Variants in CHCHD6 observed in about 807,000 individuals in gnomAD.
CHCHD6 encodes coiled-coil-helix-coiled-coil-helix domain containing 6, also known as MICOS complex subunit MIC25.
In CHCHD6, 28 loss-of-function variants were observed where a neutral mutation model predicts 32.3. The observed-to-expected ratio is 0.87, with a 90% CI of 0.64 to 1.19. The LOEUF (loss-of-function observed/expected upper bound fraction) is 1.19. Among genes scored for constraint, CHCHD6 ranks in the 50% most tolerant of loss-of-function variants. The pLI, the probability that CHCHD6 is intolerant of heterozygous loss-of-function variation, is 0.00. For synonymous variants in CHCHD6, 122 were observed against 117.5 expected (o/e 1.04, Z -0.25); for missense variants, 333 against 307.0 (o/e 1.08, Z -0.63).
intron 5 of CHCHD6, among the ~76,000 whole-genome samples, chr3:126,858,839 G>T (rs1001276659): frequency 1.3e-5 from 2 of 152,196 alleles, no homozygotes; most frequent in African/African-American, 4.8e-5. Context: ...CCTGTGTCAG[G>T]TGCTGTGAGA....
intron 1 of CHCHD6, among the ~76,000 whole-genome samples, chr3:126,725,073 T>C (rs1935472695): frequency 6.6e-6 from 1 of 152,242 alleles, no homozygotes; most frequent in Non-Finnish European, 1.5e-5. Context: ...CCATGAATCA[T>C]GAATGTTCTT....
intron 4 of CHCHD6, among the ~76,000 whole-genome samples, chr3:126,805,563 A>G (rs2107693093): frequency 6.6e-6 from 1 of 152,328 alleles, no homozygotes; most frequent in African/African-American, 2.4e-5. Context: ...GATACAAACA[A>G]ATGGAAGAAC....
intron 2 of CHCHD6, among the ~76,000 whole-genome samples, chr3:126,729,708 C>G (rs531078929): frequency 2.0e-5 from 3 of 152,086 alleles, no homozygotes; most frequent in Middle Eastern, 3.2e-3. Flanking sequence ...AAGTGCCCCC[C>G]GAAGGATCCC....
intron 4 of CHCHD6, 96 bp downstream of exon 4, chr3:126,733,318 C>A (rs1173006050): frequency 8.5e-6 from 10 of 1,170,932 alleles, no homozygotes; most frequent in Non-Finnish European, 1.2e-5. Flanking sequence ...TGAAGCCCTG[C>A]TGGCTCAGGC....
chr3:126,906,935 G>C (rs1021884184), intron 5 of CHCHD6, among the ~76,000 whole-genome samples: 1 of 152,248 alleles, frequency 6.6e-6, no homozygotes, highest in African/African-American at 2.4e-5. Flanking sequence ...AAAGAACCCA[G>C]ATGACTGGTG....
chr3:126,730,493 G>T, intron 2 of CHCHD6, 68 bp from the exon 3 acceptor site: 1 of 1,314,752 alleles, frequency 7.6e-7, no homozygotes, highest in Non-Finnish European at 1.1e-6. Flanking sequence ...TTCCTCTCTG[G>T]GTGACCTCTG....
chr3:126,806,663 A>G (rs1939397245), intron 4 of CHCHD6, among the ~76,000 whole-genome samples: 1 of 152,192 alleles, frequency 6.6e-6, no homozygotes, highest in South Asian at 2.1e-4. Flanking sequence ...ATCTAGAACT[A>G]GAAATACTAT....
At chr3:126,875,163 T>C (rs1400384409) in intron 5 of CHCHD6, among the ~76,000 whole-genome samples, 3 of 152,240 alleles carry the variant, frequency 2.0e-5, no homozygotes, top group Non-Finnish European at 2.9e-5. Flanking sequence ...TGCCTTAATC[T>C]GAACCCTGCA....
intron 2 of CHCHD6, among the ~76,000 whole-genome samples, chr3:126,728,615 C>T (rs1264378612): frequency 6.6e-6 from 1 of 152,168 alleles, no homozygotes; most frequent in Admixed American, 6.5e-5. Flanking sequence ...ATGAGAAGGG[C>T]TTAAGAGGAG....
chr3:126,895,708 C>A (rs1361683911), intron 5 of CHCHD6, among the ~76,000 whole-genome samples: 1 of 152,230 alleles, frequency 6.6e-6, no homozygotes, highest in East Asian at 1.9e-4. Flanking sequence ...GTGACTCCTG[C>A]TGGCCCCAAA....
intron 4 of CHCHD6, among the ~76,000 whole-genome samples, chr3:126,843,518 G>A (rs1431849465): frequency 1.3e-5 from 2 of 152,046 alleles, no homozygotes; most frequent in Non-Finnish European, 2.9e-5. Context: ...CTTATGTTTT[G>A]TTTTGTAAAT....
chr3:126,728,385 T>G (rs761272736), intron 2 of CHCHD6, among the ~76,000 whole-genome samples: 4 of 152,216 alleles, frequency 2.6e-5, no homozygotes, highest in African/African-American at 4.8e-5. Flanking sequence ...ATGGGCAGAT[T>G]GCAGGAGCGG....
In CHCHD6 at chr3:126,852,722, G is replaced by C. The variant is rs1559881401; in HGVS notation, c.487G>C (p.Glu163Gln). Residue 163 changes from glutamate to glutamine, a missense_variant, in exon 5 of 8, where the codon GAG becomes CAG. By Grantham distance (29) the Glu-to-Gln change is conservative. Coordinates refer to ENST00000290913, the MANE Select transcript of CHCHD6 (RefSeq NM_032343.3). ...TFYKEQLERI[E>Q]RKNAEMYKLS... ...CTACAAGGAGCAGCTGGAGCGTATT[G>C]AGAGGAAGGTAAGACTCCTGCTTGG... 5 of 1,611,492 alleles carry C rather than the reference G, an allele frequency of 3.1e-6. No individual in the cohort carries two copies. Among genetic ancestry groups the C allele is most frequent in the African/African-American group, 1.3e-5 (1 of 74,876 alleles).
intron 4 of CHCHD6, among the ~76,000 whole-genome samples, chr3:126,737,303 G>A (rs776779133): frequency 2.0e-5 from 3 of 150,822 alleles, no homozygotes; most frequent in Non-Finnish European, 4.4e-5. Flanking sequence ...TGGGCGACAC[G>A]GTGAGATTCC....
chr3:126,782,213 G>A (rs573345671), intron 4 of CHCHD6, among the ~76,000 whole-genome samples: 3 of 152,318 alleles, frequency 2.0e-5, no homozygotes, highest in East Asian at 3.9e-4. Context: ...ATTAATTCTC[G>A]ATTTACATAG....
At chr3:126,843,734 A>G (rs1941190075) in intron 4 of CHCHD6, among the ~76,000 whole-genome samples, 1 of 152,186 alleles carries the variant, frequency 6.6e-6, no homozygotes, top group Non-Finnish European at 1.5e-5. Context: ...CCAAGAGTTC[A>G]ATTACATGTA....
chr3:126,782,286 T>A (rs1937983226), intron 4 of CHCHD6, among the ~76,000 whole-genome samples: 1 of 152,244 alleles, frequency 6.6e-6, no homozygotes, highest in Non-Finnish European at 1.5e-5. Context: ...CTTGCATTTC[T>A]ACAGTGCCAG....
intron 5 of CHCHD6, among the ~76,000 whole-genome samples, chr3:126,911,262 G>T (rs1434484486): frequency 2.0e-5 from 3 of 152,150 alleles, no homozygotes; most frequent in Non-Finnish European, 4.4e-5. Context: ...GAACCTTCTG[G>T]CACTTGGCGG....
chr3:126,917,509 C>T (rs2078189024), intron 6 of CHCHD6, among the ~76,000 whole-genome samples: 1 of 152,082 alleles, frequency 6.6e-6, no homozygotes, highest in Non-Finnish European at 1.5e-5. Flanking sequence ...TTCTACAGGC[C>T]TCCGTTTCCT....
Sources: gnomAD v4.1 joint callset for allele counts (sites outside exome capture counted in the v4.1 genomes callset) on GRCh38, gnomAD v4.1.1 for gene constraint, MANE v1.5 for transcripts, NCBI Gene and HGNC (gene_info 2026-07-23, HGNC 2026-07-21) for gene names.